Variants in ZNF678 observed in about 807,000 individuals in gnomAD.
ZNF678 encodes the protein hypothetical protein MGC42493.
Under a neutral mutation model 3.0 loss-of-function variants are expected in ZNF678, and 5 were observed. The observed-to-expected ratio is 1.69, with a 90% confidence interval of 0.88 to 3.56. The LOEUF (loss-of-function observed/expected upper bound fraction) is 3.56, where lower values mean the gene tolerates loss of function less well. Ranked by LOEUF, ZNF678 falls within the 30% of genes most tolerant of loss-of-function variation. The probability of loss-of-function intolerance (pLI) is 0.00; values close to 1 mark genes in which losing one functional copy is unlikely to be tolerated. For synonymous variants in ZNF678, 218 were observed against 199.6 expected, an observed-to-expected ratio of 1.09 and a Z score of -0.78; for missense variants, 593 against 605.0, an observed-to-expected ratio of 0.98 and a Z score of 0.21.
intron 2 of ZNF678, among the ~76,000 whole-genome samples, chr1:227,649,245 GATACTTGTATCTTTTTCTA>G (rs1259911954): frequency 6.6e-6 from 1 of 152,116 alleles, no homozygotes; most frequent in East Asian, 1.9e-4. Flanking sequence ...TGAATTTTAT[GATACTTGTATCTTTTTCTA>G]AGAGCCTTCA....
chr1:227,570,678 T>G (rs1362923428), intron 1 of ZNF678, among the ~76,000 whole-genome samples: 2 of 151,932 alleles, frequency 1.3e-5, no homozygotes, highest in Admixed American at 6.6e-5. Context: ...ACTAGTTTTT[T>G]TTTTTTTACT....
rs1246026900 is a variant in ZNF678 at position 227,660,870 on chromosome 1, T to G, written c.*5042T>G. The G allele has an allele frequency of 5.3e-5, 8 of 152,214 alleles. No homozygotes were observed. Among genetic ancestry groups the G allele is most frequent in the Admixed American group, 5.2e-4 (8 of 15,278 alleles). The allele number at this position is 152,214 out of a possible 1,614,324, so 9.4% of individuals were successfully genotyped here. ...ATATGGCCTTTATTGGCTTGAGGTA[T>G]GTATGTTCTATATGTAATTTGTTTT... On this transcript the variant is annotated 3_prime_UTR_variant, in exon 4 of 4. Transcript: ENST00000343776.
intron 1 of ZNF678, among the ~76,000 whole-genome samples, chr1:227,570,369 C>A (rs989768517): frequency 6.6e-6 from 1 of 152,334 alleles, no homozygotes; most frequent in Middle Eastern, 3.4e-3. Flanking sequence ...TTTTCTGTTA[C>A]TATGAAAAGT....
intron 1 of ZNF678, among the ~76,000 whole-genome samples, chr1:227,584,244 A>T (rs1571865121): frequency 6.6e-6 from 1 of 152,240 alleles, no homozygotes; most frequent in African/African-American, 2.4e-5. Context: ...TGTTGAATGA[A>T]TACATGATTT....
intron 1 of ZNF678, among the ~76,000 whole-genome samples, chr1:227,606,810 T>C (rs964163584): frequency 6.6e-6 from 1 of 152,196 alleles, no homozygotes; most frequent in Non-Finnish European, 1.5e-5. Context: ...GCAGACATAT[T>C]GTTAACAAGG....
At chr1:227,671,533 A>G (rs1237995692) in intron 5 of ZNF678, among the ~76,000 whole-genome samples, 2 of 152,120 alleles carry the variant, frequency 1.3e-5, no homozygotes, top group African/African-American at 4.8e-5. Context: ...GCCAGTCTCC[A>G]TAAGGGATTC....
intron 1 of ZNF678, among the ~76,000 whole-genome samples, chr1:227,600,417 A>G (rs1403825409): frequency 6.6e-6 from 1 of 152,220 alleles, no homozygotes; most frequent in Non-Finnish European, 1.5e-5. Flanking sequence ...ACAAATTTAC[A>G]GTCCTACCAA....
intron 1 of ZNF678, among the ~76,000 whole-genome samples, chr1:227,597,486 C>T (rs192213068): frequency 1.1e-4 from 16 of 152,232 alleles, no homozygotes; most frequent in Admixed American, 6.5e-4. Flanking sequence ...TTAGAATCTT[C>T]AGCTATCAAG....
Position 227,660,046 on chromosome 1 carries a change from C to G in ZNF678, c.*4218C>G, listed in dbSNP as rs758489425. The G allele has an allele frequency of 3.9e-5, 6 of 152,122 alleles. No individual in the cohort carries two copies. Among genetic ancestry groups the G allele is most frequent in the African/African-American group, 9.7e-5 (4 of 41,428 alleles). 9.4% of individuals were successfully genotyped at this position (152,122 alleles called of 1,614,324 possible). On this transcript the variant is annotated 3_prime_UTR_variant, in exon 4 of 4. Transcript: ENST00000343776. ...AGCATCTCTTAACCTTCTTTCTAGTCTCTACTTTTATGAGATCAACTTGTT... is the reference window on the plus strand; with the variant it reads ...AGCATCTCTTAACCTTCTTTCTAGTGTCTACTTTTATGAGATCAACTTGTT...
intron 1 of ZNF678, among the ~76,000 whole-genome samples, chr1:227,576,296 A>G (rs1214694016): frequency 6.6e-6 from 1 of 152,184 alleles, no homozygotes; most frequent in East Asian, 1.9e-4. Flanking sequence ...CTTCTCCTCA[A>G]GCTTTTGGAA....
intron 1 of ZNF678, among the ~76,000 whole-genome samples, chr1:227,643,864 T>TTTTG (rs71281005): frequency 1.1e-4 from 7 of 66,424 alleles, no homozygotes; most frequent in Non-Finnish European, 1.7e-4. Flanking sequence ...TTTTCTTTTC[T>TTTTG]TTTTTTTTTT....
intron 1 of ZNF678, among the ~76,000 whole-genome samples, chr1:227,622,129 A>T (rs1009598113): frequency 1.3e-5 from 2 of 152,220 alleles, no homozygotes; most frequent in African/African-American, 4.8e-5. Context: ...ACATCTTTTA[A>T]GTTCCCATAA....
downstream of ZNF678, among the ~76,000 whole-genome samples, chr1:227,664,601 A>G (rs540644394): frequency 1.3e-5 from 2 of 152,272 alleles, no homozygotes; most frequent in African/African-American, 2.4e-5. Flanking sequence ...TTCTCACGTC[A>G]GGCCTTACTA....
chr1:227,577,551 T>C (rs977891395), intron 1 of ZNF678, among the ~76,000 whole-genome samples: 2 of 152,226 alleles, frequency 1.3e-5, no homozygotes, highest in African/African-American at 4.8e-5. Context: ...GGAACTAGGA[T>C]TGCAAACCTT....
intron 1 of ZNF678, among the ~76,000 whole-genome samples, chr1:227,588,403 G>A (rs1378089016): frequency 2.0e-5 from 3 of 151,876 alleles, no homozygotes; most frequent in East Asian, 1.9e-4. Context: ...TTGAGGAATC[G>A]CCACACTGTA....
chr1:227,635,602 A>T (rs10916188), intron 1 of ZNF678, among the ~76,000 whole-genome samples: 14 of 150,280 alleles, frequency 9.3e-5, no homozygotes, highest in African/African-American at 3.4e-4. Context: ...GAGTGCCGGC[A>T]GGCTGAGGCC....
At position 227,655,923 on chromosome 1, in the gene ZNF678, C is replaced by T; in HGVS notation, c.*95C>T. The T allele has an allele frequency of 9.3e-7, 1 of 1,077,320 alleles. No homozygotes were observed. Among genetic ancestry groups the T allele is most frequent in the Non-Finnish European group, 1.3e-6 (1 of 748,664 alleles). 66.7% of individuals were successfully genotyped at this position (1,077,320 alleles called of 1,614,324 possible). A position where few individuals can be genotyped will look rare whatever the true frequency, so the allele number is the denominator to read the frequency against. On this transcript the variant is annotated 3_prime_UTR_variant, in exon 4 of 4. Transcript: ENST00000343776. ...TTAAGGATGTTTCACAAAATGTAAG[C>T]TTCAGAGTGCACAACACTATACTGA...
chr1:227,608,132 T>G (rs1657924026), intron 1 of ZNF678, among the ~76,000 whole-genome samples: 1 of 152,112 alleles, frequency 6.6e-6, no homozygotes, highest in African/African-American at 2.4e-5. Context: ...TCCTACAGGT[T>G]GCATTTTCTG....
intron 1 of ZNF678, among the ~76,000 whole-genome samples, chr1:227,572,557 G>A (rs1173660281): frequency 1.3e-5 from 2 of 152,212 alleles, no homozygotes; most frequent in East Asian, 1.9e-4. Context: ...AGAGCGATGG[G>A]CACCCAATCC....
Sources: allele counts gnomAD v4.1 joint callset (sites outside exome capture counted in the v4.1 genomes callset), GRCh38; gene constraint gnomAD v4.1.1; transcripts MANE v1.5; gene names NCBI Gene and HGNC (gene_info 2026-07-23, HGNC 2026-07-21).